EXOC1: variants seen among roughly 807,000 people sequenced by gnomAD.
EXOC1 encodes the protein SEC3-like 1.
EXOC1 carries 67 observed loss-of-function variants against 107.7 expected under a neutral mutation model. That is an observed-to-expected ratio of 0.62 (90% CI 0.51 to 0.76). EXOC1 has a LOEUF of 0.76. Among genes scored for constraint, EXOC1 ranks in the 30% least tolerant of loss-of-function variants. The pLI is 0.00. For missense variants in EXOC1, 833 were observed against 1,055.7 expected (o/e 0.79, Z 2.92); for synonymous variants, 348 against 353.5 (o/e 0.98, Z 0.17).
At chr4:55,886,008 A>C (rs1723835002) in intron 10 of EXOC1, among the ~76,000 whole-genome samples, 1 of 152,198 alleles carries the variant, frequency 6.6e-6, no homozygotes, top group African/African-American at 2.4e-5. Context: ...AGCAGTCTGC[A>C]GTCAGTACGA....
chr4:55,888,702 A>G, intron 10 of EXOC1, 186 bp from the exon 11 acceptor site: 2 of 573,874 alleles, frequency 3.5e-6, no homozygotes, highest in Non-Finnish European at 6.2e-6. Context: ...TTTTTCTCTC[A>G]TATAATTTCT....
chr4:55,882,338 C>T (rs1723478038), intron 9 of EXOC1, among the ~76,000 whole-genome samples: 1 of 152,060 alleles, frequency 6.6e-6, no homozygotes, highest in African/African-American at 2.4e-5. Context: ...CAGGGTTTCA[C>T]CATGTTGCCC....
intron 8 of EXOC1, chr4:55,876,086 G>C: frequency 2.0e-6 from 2 of 984,830 alleles, no homozygotes; most frequent in Non-Finnish European, 2.4e-6. Flanking sequence ...TGGCAACATA[G>C]AAATAGATAA....
intron 1 of EXOC1, among the ~76,000 whole-genome samples, chr4:55,855,865 C>T (rs1720916005): frequency 6.6e-6 from 1 of 152,178 alleles, no homozygotes; most frequent in African/African-American, 2.4e-5. Context: ...AAGGGATTAG[C>T]AGCATGGACA....
At chr4:55,893,922 C>T (rs751323647) in intron 15 of EXOC1, 142 bp downstream of exon 15, 210 of 679,382 alleles carry the variant, frequency 3.1e-4, no homozygotes, top group Non-Finnish European at 4.4e-4. Flanking sequence ...TGGCAACAAT[C>T]TACATGAACA....
intron 1 of EXOC1, among the ~76,000 whole-genome samples, chr4:55,855,101 G>C (rs1360654981): frequency 3.9e-5 from 6 of 152,192 alleles, no homozygotes; most frequent in African/African-American, 1.4e-4. Context: ...TGTCCAAAAT[G>C]AACAGAGTGT....
intron 3 of EXOC1, among the ~76,000 whole-genome samples, chr4:55,861,451 A>G (rs1292624766): frequency 6.6e-6 from 1 of 152,220 alleles, no homozygotes. Flanking sequence ...TGTTAAAATA[A>G]AATTCTGATT....
In EXOC1 at chr4:55,890,523, G is replaced by A. The variant is rs539276434; in HGVS notation, c.1539+137G>A. ...TTAACCATGTCTTTCCAACTGAATCGAATCTGGGAAAAAAAAAAAAAAAAA... is the reference window on the plus strand; with the variant it reads ...TTAACCATGTCTTTCCAACTGAATCAAATCTGGGAAAAAAAAAAAAAAAAA... On this transcript the variant is annotated intron_variant, in intron 12 of 18. Coordinates refer to ENST00000381295, the MANE Select transcript of EXOC1 (RefSeq NM_001024924.2). 4.4e-4 allele frequency: 160 copies of A among 362,406 alleles called. 2 individuals carry two copies. Among genetic ancestry groups the A allele is most frequent in the African/African-American group, 3.4e-3 (135 of 39,198 alleles). 22.4% of individuals were successfully genotyped at this position (362,406 alleles called of 1,614,324 possible).
chr4:55,863,410 G>A (rs1721660087), intron 3 of EXOC1, among the ~76,000 whole-genome samples: 1 of 152,120 alleles, frequency 6.6e-6, no homozygotes, highest in South Asian at 2.1e-4. Context: ...GGCCGAAGCA[G>A]GAGGATCAAC....
At chr4:55,900,232 G>A (rs1008705610) in intron 17 of EXOC1, among the ~76,000 whole-genome samples, 4 of 151,990 alleles carry the variant, frequency 2.6e-5, no homozygotes, top group African/African-American at 4.8e-5. Context: ...AAACTTGCCC[G>A]ACATCATAAT....
intron 5 of EXOC1, among the ~76,000 whole-genome samples, chr4:55,870,258 C>T (rs763675150): frequency 6.6e-6 from 1 of 152,178 alleles, no homozygotes; most frequent in African/African-American, 2.4e-5. Flanking sequence ...TTTAGGGTTT[C>T]ACATAGGTGT....
intron 15 of EXOC1, among the ~76,000 whole-genome samples, chr4:55,894,343 AT>A (rs1279614675): frequency 2.7e-5 from 4 of 150,814 alleles, no homozygotes; most frequent in East Asian, 1.9e-4. Context: ...AAAAAAAAAA[AT>A]CTACCGAATC....
intron 8 of EXOC1, 56 bp from the exon 9 acceptor site, chr4:55,877,861 T>C (rs1723041730): frequency 6.3e-7 from 1 of 1,597,740 alleles, no homozygotes; most frequent in Non-Finnish European, 8.5e-7. Flanking sequence ...GACTTTTTAT[T>C]GTAACGTTTC....
chr4:55,861,780 G>C (rs1024702463), intron 3 of EXOC1, among the ~76,000 whole-genome samples: 1 of 152,238 alleles, frequency 6.6e-6, no homozygotes, highest in Non-Finnish European at 1.5e-5. Flanking sequence ...TAGGCCAGGC[G>C]TGGTGGCTCA....
intron 5 of EXOC1, among the ~76,000 whole-genome samples, chr4:55,870,381 CCTTA>C (rs1366151115): frequency 6.6e-6 from 1 of 152,172 alleles, no homozygotes; most frequent in Non-Finnish European, 1.5e-5. Flanking sequence ...CTTTCTGGCA[CCTTA>C]CTTGTGCATT....
chr4:55,861,886 T>G (rs1232298768), intron 3 of EXOC1, among the ~76,000 whole-genome samples: 2 of 152,180 alleles, frequency 1.3e-5, no homozygotes, highest in Non-Finnish European at 2.9e-5. Flanking sequence ...AAACCCTGTC[T>G]CTACTAAAAT....
At position 55,870,771 on chromosome 4, in the gene EXOC1, T is replaced by C. The variant is rs1722354451; in HGVS notation, c.697T>C (p.Leu233=). ...TCTAAAGGAGGTAGATCAGATTGAA[T>C]TGAAACTGAGCAGTTATGAGGAAAT... The part of the protein sequence containing the change: ...EALKEVDQIE[L]KLSSYEEMLQ... Residue 233 remains leucine, a synonymous_variant, in exon 6 of 19, where the codon TTG becomes CTG. Coordinates refer to ENST00000381295, the MANE Select transcript of EXOC1 (RefSeq NM_001024924.2). 3.7e-6 allele frequency: 6 copies of C among 1,613,872 alleles called. No homozygotes were observed. Among genetic ancestry groups the C allele is most frequent in the Non-Finnish European group, 5.1e-6 (6 of 1,179,902 alleles).
chr4:55,871,420 C>T (rs1722430183), intron 7 of EXOC1, among the ~76,000 whole-genome samples, 187 bp downstream of exon 7: 1 of 152,200 alleles, frequency 6.6e-6, no homozygotes. Flanking sequence ...TTCAGTTCCT[C>T]CTTCTAATTG....
At chr4:55,854,822 C>A (rs959051389) in intron 1 of EXOC1, among the ~76,000 whole-genome samples, 1 of 152,158 alleles carries the variant, frequency 6.6e-6, no homozygotes, top group African/African-American at 2.4e-5. Flanking sequence ...GTTCTAATTA[C>A]CTTAATAGAT....
Sources: gnomAD v4.1 joint callset for allele counts (sites outside exome capture counted in the v4.1 genomes callset) on GRCh38, gnomAD v4.1.1 for gene constraint, MANE v1.5 for transcripts, NCBI Gene and HGNC (gene_info 2026-07-23, HGNC 2026-07-21) for gene names.